Variants in SLIT2 observed in about 807,000 individuals in gnomAD.
The protein encoded by SLIT2 is slit homolog 2 protein.
Under a neutral mutation model 185.7 loss-of-function variants are expected in SLIT2, and 41 were observed. That is an observed-to-expected ratio of 0.22 (90% CI 0.17 to 0.29). The LOEUF is 0.29. Ranked by LOEUF, SLIT2 falls within the 10% of genes least tolerant of loss-of-function variation. SLIT2 has a pLI of 1.00. For synonymous variants in SLIT2, 693 were observed against 680.2 expected (o/e 1.02, Z -0.29); for missense variants, 1,571 against 1,909.0 (o/e 0.82, Z 3.30).
intron 18 of SLIT2, among the ~76,000 whole-genome samples, chr4:20,536,558 C>CAAAAAAA (rs35710842): frequency 1.9e-3 from 141 of 75,652 alleles, no homozygotes; most frequent in Non-Finnish European, 2.4e-3. Context: ...AACTCTGTCG[C>CAAAAAAA]AAAAAAAAAA....
At chr4:20,364,308 T>A in intron 4 of SLIT2, 1 of 982,232 alleles carries the variant, frequency 1.0e-6, no homozygotes, top group Non-Finnish European at 1.2e-6. Context: ...TCAATAATGG[T>A]TCAAGTAATT....
At chr4:20,369,579 A>G (rs1176768774) in intron 4 of SLIT2, among the ~76,000 whole-genome samples, 2 of 151,994 alleles carry the variant, frequency 1.3e-5, no homozygotes, top group African/African-American at 4.8e-5. Context: ...GAGTCCTTGG[A>G]TTGTCCACTC....
chr4:20,481,972 C>T (rs530242876), intron 6 of SLIT2, among the ~76,000 whole-genome samples: 1 of 152,116 alleles, frequency 6.6e-6, no homozygotes, highest in South Asian at 2.1e-4. Flanking sequence ...GTCTAAGTTT[C>T]TATCGGAAAA....
chr4:20,511,995 T>A (rs1314176531), intron 11 of SLIT2, among the ~76,000 whole-genome samples: 1 of 152,144 alleles, frequency 6.6e-6, no homozygotes, highest in Non-Finnish European at 1.5e-5. Context: ...GCTATGTAAA[T>A]TAAAGAAGTT....
intron 4 of SLIT2, among the ~76,000 whole-genome samples, chr4:20,381,899 T>TAATACATATGTATTTGTATA (rs76918610): frequency 2.0e-4 from 31 of 151,936 alleles, no homozygotes; most frequent in Admixed American, 1.0e-3. Context: ...CATAAATACA[T>TAATACATATGTATTTGTATA]AATACATATG....
At chr4:20,554,720 C>A (rs1014414771) in intron 26 of SLIT2, among the ~76,000 whole-genome samples, 10 of 150,738 alleles carry the variant, frequency 6.6e-5, no homozygotes, top group Non-Finnish European at 1.5e-4. Flanking sequence ...ATAAAGTTTA[C>A]TATTATTCTT....
At chr4:20,459,017 C>G (rs140484305) in intron 4 of SLIT2, among the ~76,000 whole-genome samples, 1 of 151,940 alleles carries the variant, frequency 6.6e-6, no homozygotes, top group Non-Finnish European at 1.5e-5. Flanking sequence ...TTTTTATTAA[C>G]AGCAAGAAGT....
intron 4 of SLIT2, among the ~76,000 whole-genome samples, chr4:20,330,835 A>G (rs55657530): frequency 0.013 from 2,054 of 152,204 alleles, 21 homozygotes; most frequent in Non-Finnish European, 0.023. Context: ...AATCTTGCAG[A>G]TCATATACTT....
intron 4 of SLIT2, among the ~76,000 whole-genome samples, chr4:20,383,657 C>T (rs532633870): frequency 1.3e-5 from 2 of 152,218 alleles, no homozygotes; most frequent in Admixed American, 6.5e-5. Flanking sequence ...GACATTTCAG[C>T]AGTGTCTTAT....
chr4:20,574,994 A>T (rs1246452918), intron 29 of SLIT2, among the ~76,000 whole-genome samples: 1 of 152,138 alleles, frequency 6.6e-6, no homozygotes, highest in Non-Finnish European at 1.5e-5. Context: ...CTGTGGATTA[A>T]TGCATCTAAT....
At chr4:20,335,042 A>C (rs987469501) in intron 4 of SLIT2, among the ~76,000 whole-genome samples, 2 of 152,162 alleles carry the variant, frequency 1.3e-5, no homozygotes, top group African/African-American at 4.8e-5. Context: ...AGATATATGC[A>C]ATGGTGTTCT....
chr4:20,395,796 A>G (rs1433573949), intron 4 of SLIT2, among the ~76,000 whole-genome samples: 1 of 151,930 alleles, frequency 6.6e-6, no homozygotes, highest in Admixed American at 6.6e-5. Context: ...CCTAACTTAT[A>G]CCTTTATTAA....
chr4:20,343,013 T>C (rs1721091860), intron 4 of SLIT2, among the ~76,000 whole-genome samples: 1 of 152,076 alleles, frequency 6.6e-6, no homozygotes. Context: ...GTTACATGCA[T>C]AGAATGTACA....
chr4:20,269,492 T>C (rs1202228589), intron 4 of SLIT2, among the ~76,000 whole-genome samples: 1 of 151,886 alleles, frequency 6.6e-6, no homozygotes, highest in East Asian at 1.9e-4. Flanking sequence ...TTAGGGGGAA[T>C]CACTTTTTCC....
rs774068467 is a variant in SLIT2, at chr4:20,533,598, A to G, written c.1715A>G (p.Asp572Gly). The change falls in exon 18 of 37, where the codon GAT (aspartate) becomes GGT (glycine). Residue 572 changes from aspartate (D) to glycine (G), a missense_variant. Coordinates refer to ENST00000504154, the MANE Select transcript of SLIT2 (RefSeq NM_004787.4). ...KINFSNNKIT[D>G]IEEGAFEGAS... The stretch of plus-strand genomic sequence containing the variant: ...AACTTTAGCAACAATAAGATCACAG[A>G]TATTGAGGAGGGAGCATTTGAAGGA... The G allele has an allele frequency of 2.5e-6, 4 of 1,611,388 alleles. No individual in the cohort carries two copies. The highest frequency in any genetic ancestry group is 3.3e-5 in the Admixed American group (2 of 59,948).
chr4:20,607,521 A>G (rs1353334668), intron 33 of SLIT2, among the ~76,000 whole-genome samples: 3 of 152,324 alleles, frequency 2.0e-5, no homozygotes, highest in Middle Eastern at 3.4e-3. Context: ...ATGTACTCCA[A>G]AAAAGAGTAA....
chr4:20,506,335 A>G (rs1378082915), intron 9 of SLIT2, among the ~76,000 whole-genome samples: 2 of 152,028 alleles, frequency 1.3e-5, no homozygotes, highest in Non-Finnish European at 2.9e-5. Context: ...TATCCATGGC[A>G]TGCAAATATA....
At chr4:20,411,771 G>C (rs1727275433) in intron 4 of SLIT2, among the ~76,000 whole-genome samples, 1 of 152,156 alleles carries the variant, frequency 6.6e-6, no homozygotes, top group Non-Finnish European at 1.5e-5. Context: ...CTGGAAAAAG[G>C]CAAATGCAGG....
At chr4:20,280,110 G>A (rs1455622588) in intron 4 of SLIT2, among the ~76,000 whole-genome samples, 3 of 151,882 alleles carry the variant, frequency 2.0e-5, no homozygotes, top group Non-Finnish European at 4.4e-5. Flanking sequence ...GAGGTGGGCG[G>A]ATCACGAGGT....
Sources: gnomAD v4.1 joint callset for allele counts (sites outside exome capture counted in the v4.1 genomes callset) on GRCh38, gnomAD v4.1.1 for gene constraint, MANE v1.5 for transcripts, NCBI Gene and HGNC (gene_info 2026-07-23, HGNC 2026-07-21) for gene names.